DACH2: variants seen among roughly 807,000 people sequenced by gnomAD.
The protein encoded by DACH2 is dachshund family transcription factor 2, also known as dachshund homolog 2.
In DACH2, 17 loss-of-function variants were observed where a neutral mutation model predicts 35.8. The observed-to-expected ratio is 0.48, with a 90% CI of 0.33 to 0.71. The LOEUF is 0.71. DACH2 is among the 30% of genes least tolerant of loss of function. The probability of loss-of-function intolerance (pLI) is 0.02; values close to 1 mark genes in which losing one functional copy is unlikely to be tolerated. For missense variants in DACH2, 469 were observed against 472.7 expected (o/e 0.99, Z 0.07); for synonymous variants, 195 against 177.3 (o/e 1.10, Z -0.79).
At chrX:86,732,001 A>C (rs2041537621) in intron 6 of DACH2, among the ~76,000 whole-genome samples, 4 of 112,168 alleles carry the variant, frequency 3.6e-5, no homozygotes, top group Non-Finnish European at 7.5e-5. Context: ...ATAAAATTCA[A>C]ACTTCAGTTA....
At chrX:86,775,172 G>A (rs1489957042) in intron 7 of DACH2, among the ~76,000 whole-genome samples, 5 of 102,474 alleles carry the variant, frequency 4.9e-5, no homozygotes, top group East Asian at 3.1e-4. Flanking sequence ...GTGTAGTCTC[G>A]AAGGGCTTTG....
chrX:86,553,053 A>G (rs1207691774), intron 3 of DACH2, among the ~76,000 whole-genome samples: 1 of 111,069 alleles, frequency 9.0e-6, no homozygotes, highest in Non-Finnish European at 1.9e-5. Context: ...GAATTTATTA[A>G]GGAATATTGA....
intron 6 of DACH2, among the ~76,000 whole-genome samples, chrX:86,721,682 C>T (rs2041408504): frequency 9.0e-6 from 1 of 111,340 alleles, no homozygotes; most frequent in Non-Finnish European, 1.9e-5. Context: ...TACAGCAGTG[C>T]CGCACTATCT....
chrX:86,559,987 T>G (rs1184203821), intron 3 of DACH2, among the ~76,000 whole-genome samples: 1 of 58,909 alleles, frequency 1.7e-5, no homozygotes, highest in African/African-American at 1.2e-4. Flanking sequence ...GTCATTATGA[T>G]GTTAGCTGGT....
intron 2 of DACH2, among the ~76,000 whole-genome samples, chrX:86,457,798 G>C (rs1266083096): frequency 8.9e-6 from 1 of 112,045 alleles, no homozygotes; most frequent in Admixed American, 9.5e-5. Context: ...GCGTGGGCAA[G>C]TAATCTAAAT....
intron 3 of DACH2, among the ~76,000 whole-genome samples, chrX:86,639,292 C>T (rs1411334926): frequency 2.7e-5 from 3 of 111,381 alleles, no homozygotes; most frequent in Admixed American, 9.5e-5. Context: ...AATGAATGAG[C>T]GACCCTGGGA....
At chrX:86,162,313 G>T (rs1487369985) in intron 1 of DACH2, among the ~76,000 whole-genome samples, 1 of 110,808 alleles carries the variant, frequency 9.0e-6, no homozygotes, top group Admixed American at 9.7e-5. Flanking sequence ...GACTAAATTT[G>T]GGTCATGTTA....
At chrX:86,200,739 C>T (rs1439890248) in intron 1 of DACH2, among the ~76,000 whole-genome samples, 1 of 108,144 alleles carries the variant, frequency 9.2e-6, no homozygotes, top group East Asian at 2.9e-4. Flanking sequence ...AAATGAGATA[C>T]CATCTCATAC....
chrX:86,494,334 G>A (rs903228732), intron 2 of DACH2, among the ~76,000 whole-genome samples: 9 of 111,823 alleles, frequency 8.0e-5, no homozygotes, highest in African/African-American at 2.3e-4. Flanking sequence ...CTGGGTCAAC[G>A]TTTAGAACTC....
intron 1 of DACH2, among the ~76,000 whole-genome samples, chrX:86,277,165 T>C (rs1261299520): frequency 8.9e-6 from 1 of 112,094 alleles, no homozygotes; most frequent in Non-Finnish European, 1.9e-5. Context: ...TTTATATCCA[T>C]GGAATGTCTT....
chrX:86,174,648 G>A (rs1403008237), intron 1 of DACH2, among the ~76,000 whole-genome samples: 1 of 110,944 alleles, frequency 9.0e-6, no homozygotes, highest in African/African-American at 3.3e-5. Context: ...TAAATTATAA[G>A]CATGTTTGAA....
chrX:86,745,574 G>A (rs2041703290), intron 7 of DACH2, among the ~76,000 whole-genome samples: 1 of 111,299 alleles, frequency 9.0e-6, no homozygotes, highest in African/African-American at 3.3e-5. Context: ...CATCCATGTT[G>A]CTGCAAAGGA....
chrX:86,735,473 A>C (rs2041585074), intron 6 of DACH2, among the ~76,000 whole-genome samples: 1 of 112,040 alleles, frequency 8.9e-6, no homozygotes, highest in South Asian at 3.6e-4. Context: ...TTTGTGATAT[A>C]TCTCTAAAGA....
intron 2 of DACH2, among the ~76,000 whole-genome samples, chrX:86,452,865 G>T (rs767131569): frequency 1.9e-4 from 21 of 110,953 alleles, no homozygotes; most frequent in South Asian, 7.5e-4. Flanking sequence ...GCTAGCTTTT[G>T]GGTCTGTTTG....
At chrX:86,464,232 C>G (rs371749568) in intron 2 of DACH2, among the ~76,000 whole-genome samples, 1 of 111,257 alleles carries the variant, frequency 9.0e-6, no homozygotes, top group Non-Finnish European at 1.9e-5. Context: ...TATGTTTATT[C>G]TGGCACTATT....
intron 11 of DACH2, chrX:86,830,242 G>A (rs777067714): frequency 1.8e-5 from 2 of 111,880 alleles, no homozygotes; most frequent in Non-Finnish European, 3.8e-5. Flanking sequence ...AGTGTCAGCA[G>A]TTCATTACTG....
At chrX:86,628,046 G>C (rs2040157758) in intron 3 of DACH2, among the ~76,000 whole-genome samples, 1 of 111,964 alleles carries the variant, frequency 8.9e-6, no homozygotes, top group South Asian at 3.7e-4. Flanking sequence ...CCAGCATTGG[G>C]CTAATAGCCC....
intron 1 of DACH2, among the ~76,000 whole-genome samples, chrX:86,357,879 C>T (rs2035668707): frequency 2.7e-5 from 3 of 112,024 alleles, no homozygotes; most frequent in African/African-American, 9.7e-5. Context: ...ACTATCTTCT[C>T]CCATTCATTC....
intron 7 of DACH2, among the ~76,000 whole-genome samples, chrX:86,776,081 C>A (rs1239307764): frequency 9.0e-6 from 1 of 111,329 alleles, no homozygotes; most frequent in Non-Finnish European, 1.9e-5. Flanking sequence ...CTGTCATAGG[C>A]ACTAGATATA....
Sources: gnomAD v4.1 joint callset for allele counts (sites outside exome capture counted in the v4.1 genomes callset) on GRCh38, gnomAD v4.1.1 for gene constraint, MANE v1.5 for transcripts, NCBI Gene and HGNC (gene_info 2026-07-23, HGNC 2026-07-21) for gene names.